Variants in LRFN5 observed in about 807,000 individuals in gnomAD.
LRFN5 encodes leucine rich repeat and fibronectin type III domain containing 5.
In LRFN5, 24 loss-of-function variants were observed where a neutral mutation model predicts 45.6. The observed-to-expected ratio is 0.53, with a 90% CI of 0.38 to 0.74. The LOEUF is 0.74. Among genes scored for constraint, LRFN5 ranks in the 30% least tolerant of loss-of-function variants. LRFN5 has a pLI of 0.00. For missense variants in LRFN5, 776 were observed against 861.5 expected (o/e 0.90, Z 1.24); for synonymous variants, 340 against 313.8 (o/e 1.08, Z -0.88).
In LRFN5 at chr14:41,891,873, G is replaced by C. The variant is rs1212735850; in HGVS notation, c.2009G>C (p.Arg670Thr). The C allele has an allele frequency of 1.2e-6, 2 of 1,614,130 alleles. No homozygotes were observed. Among genetic ancestry groups the C allele is most frequent in the South Asian group, 1.1e-5 (1 of 91,076 alleles). ...AATGTTGAATCCCAAAACACTAACA[G>C]GAACAACTCAACTGCCTTGCAGTTA... ...VTNVESQNTNRNNSTALQLAS... is the reference protein window; with the variant it reads ...VTNVESQNTNTNNSTALQLAS... The change falls in exon 4 of 6, where the codon AGG (arginine) becomes ACG (threonine). Residue 670 changes from arginine (R) to threonine (T), a missense_variant. Physicochemically the swap from Arg to Thr is moderately conservative, Grantham distance 71 (BLOSUM62 -1). Coordinates refer to ENST00000298119, the MANE Select transcript of LRFN5 (RefSeq NM_152447.5).
At chr14:41,789,242 A>G (rs1886834255) in intron 2 of LRFN5, among the ~76,000 whole-genome samples, 1 of 152,030 alleles carries the variant, frequency 6.6e-6, no homozygotes, top group Non-Finnish European at 1.5e-5. Flanking sequence ...GTATCTATGC[A>G]GTCAATTGTT....
intron 2 of LRFN5, among the ~76,000 whole-genome samples, chr14:41,861,348 A>G (rs1418937585): frequency 1.3e-5 from 2 of 152,164 alleles, no homozygotes; most frequent in African/African-American, 4.8e-5. Context: ...TTCTATTACT[A>G]TAAAGAAGAC....
intron 1 of LRFN5, among the ~76,000 whole-genome samples, chr14:41,740,785 C>T (rs569374615): frequency 1.0e-3 from 152 of 152,014 alleles, no homozygotes; most frequent in African/African-American, 3.5e-3. Context: ...TTGAAATTGG[C>T]ATCAGGTTTG....
intron 1 of LRFN5, among the ~76,000 whole-genome samples, chr14:41,659,286 T>C (rs997158866): frequency 6.6e-6 from 1 of 151,856 alleles, no homozygotes; most frequent in Non-Finnish European, 1.5e-5. Context: ...CCACTAATGA[T>C]TGAGAACATG....
chr14:41,757,356 T>G (rs2138859553), intron 1 of LRFN5, among the ~76,000 whole-genome samples: 1 of 152,286 alleles, frequency 6.6e-6, no homozygotes, highest in South Asian at 2.1e-4. Flanking sequence ...CCCCCAGAGG[T>G]GAAGTCTACA....
intron 2 of LRFN5, among the ~76,000 whole-genome samples, chr14:41,811,686 C>T (rs1887741476): frequency 6.6e-6 from 1 of 151,930 alleles, no homozygotes; most frequent in African/African-American, 2.4e-5. Flanking sequence ...TATAAGATTC[C>T]ATTGGTATGA....
intron 1 of LRFN5, among the ~76,000 whole-genome samples, chr14:41,667,791 C>T (rs1049687215): frequency 1.3e-5 from 2 of 152,128 alleles, no homozygotes; most frequent in African/African-American, 4.8e-5. Flanking sequence ...GGATCCTATT[C>T]TTCCCAATGC....
intron 5 of LRFN5, among the ~76,000 whole-genome samples, chr14:41,903,630 T>C (rs2139185523): frequency 6.6e-6 from 1 of 151,894 alleles, no homozygotes; most frequent in Non-Finnish European, 1.5e-5. Context: ...CTGTAAGAGT[T>C]ATTGTAAGTT....
At chr14:41,622,328 C>G (rs376005303) in intron 1 of LRFN5, among the ~76,000 whole-genome samples, 3 of 151,948 alleles carry the variant, frequency 2.0e-5, no homozygotes, top group African/African-American at 7.2e-5. Flanking sequence ...CACAGTCTTA[C>G]AGCAAAATAT....
intron 2 of LRFN5, among the ~76,000 whole-genome samples, chr14:41,779,981 G>A (rs1039149682): frequency 2.7e-4 from 41 of 151,518 alleles, no homozygotes; most frequent in African/African-American, 8.7e-4. Context: ...ATTTTCTCCT[G>A]CTTTCCTTAG....
chr14:41,700,002 C>T (rs1162772311), intron 1 of LRFN5: 2 of 151,990 alleles, frequency 1.3e-5, no homozygotes, highest in African/African-American at 2.4e-5. Flanking sequence ...AGATTTACAA[C>T]TCAGGAAAAA....
At chr14:41,874,246 G>A (rs796950726) in intron 2 of LRFN5, among the ~76,000 whole-genome samples, 1 of 152,156 alleles carries the variant, frequency 6.6e-6, no homozygotes, top group Non-Finnish European at 1.5e-5. Context: ...ATGAGATGCA[G>A]TAGAAAGAGA....
At chr14:41,712,752 G>A (rs1447622447) in intron 1 of LRFN5, among the ~76,000 whole-genome samples, 3 of 151,968 alleles carry the variant, frequency 2.0e-5, no homozygotes, top group South Asian at 2.1e-4. Flanking sequence ...TTGATCTCAT[G>A]CCCAAACTTT....
At chr14:41,825,118 G>A (rs1463507215) in intron 2 of LRFN5, among the ~76,000 whole-genome samples, 1 of 152,184 alleles carries the variant, frequency 6.6e-6, no homozygotes, top group African/African-American at 2.4e-5. Context: ...CCCTGTTGCA[G>A]GAACTCTGCC....
chr14:41,898,312 T>C (rs1470385253), intron 4 of LRFN5, among the ~76,000 whole-genome samples: 1 of 152,098 alleles, frequency 6.6e-6, no homozygotes, highest in East Asian at 1.9e-4. Flanking sequence ...TAAACTTTTA[T>C]AGGCAATTGG....
chr14:41,822,521 T>G (rs912273336), intron 2 of LRFN5, among the ~76,000 whole-genome samples: 2 of 152,214 alleles, frequency 1.3e-5, no homozygotes, highest in Non-Finnish European at 2.9e-5. Flanking sequence ...ATAGTTGATA[T>G]GATTTTTATT....
At chr14:41,799,537 A>G (rs1057445287) in intron 2 of LRFN5, among the ~76,000 whole-genome samples, 3 of 151,978 alleles carry the variant, frequency 2.0e-5, no homozygotes, top group Non-Finnish European at 2.9e-5. Flanking sequence ...TTCCAATACT[A>G]TAACCCCTCT....
chr14:41,788,274 G>GT (rs1214226497), intron 2 of LRFN5, among the ~76,000 whole-genome samples: 1 of 151,934 alleles, frequency 6.6e-6, no homozygotes, highest in Non-Finnish European at 1.5e-5. Flanking sequence ...TCTGAATATT[G>GT]TTTTTTTCCA....
intron 2 of LRFN5, among the ~76,000 whole-genome samples, chr14:41,867,522 T>G (rs1889880068): frequency 6.6e-6 from 1 of 152,172 alleles, no homozygotes; most frequent in African/African-American, 2.4e-5. Flanking sequence ...TTTCCACTCA[T>G]TTTTCCAGAC....
Sources: allele counts gnomAD v4.1 joint callset (sites outside exome capture counted in the v4.1 genomes callset), GRCh38; gene constraint gnomAD v4.1.1; transcripts MANE v1.5; gene names NCBI Gene and HGNC (gene_info 2026-07-23, HGNC 2026-07-21).